Variants in KIFC1 observed in about 807,000 individuals in gnomAD.
The protein encoded by KIFC1 is kinesin family member C1, also known as kinesin-like protein KIFC1.
A neutral mutation model predicts 66.6 loss-of-function variants in KIFC1; 37 were observed. The ratio of observed to expected loss-of-function variants is 0.56; its 90% confidence interval spans 0.43 to 0.73. The LOEUF is 0.73. Ranked by LOEUF, KIFC1 falls within the 30% of genes least tolerant of loss-of-function variation. The pLI is 0.00. For missense variants in KIFC1, 721 were observed against 859.8 expected (o/e 0.84, Z 2.02); for synonymous variants, 325 against 343.5 (o/e 0.95, Z 0.60).
chr6:33,397,962 C>A, intron 1 of KIFC1, 67 bp from the exon 2 acceptor site: 1 of 1,572,236 alleles, frequency 6.4e-7, no homozygotes, highest in Non-Finnish European at 8.7e-7. Flanking sequence ...GGCTGGGGGC[C>A]AAGACAGGAA....
At chr6:33,394,463 G>C (rs1293920185) in intron 1 of KIFC1, among the ~76,000 whole-genome samples, 1 of 152,132 alleles carries the variant, frequency 6.6e-6, no homozygotes, top group African/African-American at 2.4e-5. Context: ...ACATCAAGAG[G>C]TCAGTTATTA....
rs771246472 is a variant in KIFC1, at chr6:33,398,138, A to C, written c.122A>C (p.Gln41Pro). Residue 41 changes from glutamine to proline, a missense_variant, in exon 2 of 11, where the codon CAG becomes CCG. Transcript: ENST00000428849. ...AGCAGACTCAAGAGGAGGCCTGACCAGATGGAAGATGGCCTGGAGCCTGAG... is the reference window on the plus strand; with the variant it reads ...AGCAGACTCAAGAGGAGGCCTGACCCGATGGAAGATGGCCTGGAGCCTGAG... Reference protein sequence around the residue: ...SGSRLKRRPDQMEDGLEPEKK... With the variant: ...SGSRLKRRPDPMEDGLEPEKK... 6.2e-7 allele frequency: 1 copy of C among 1,614,184 alleles called. No homozygotes were observed. The highest frequency in any genetic ancestry group is 2.2e-5 in the East Asian group (1 of 44,884).
Position 33,406,429 on chromosome 6 carries a change from G to C in KIFC1, c.1770G>C (p.Gln590His), listed in dbSNP as rs748747920. ...PGERERLRETQAINSSLSTLG... is the reference protein window; with the variant it reads ...PGERERLRETHAINSSLSTLG... ...AGCGGGAACGCCTTCGGGAAACACA[G>C]GCCATTAACAGCAGCCTGTCCACGC... is the stretch of plus-strand genomic sequence containing the variant. The change falls in exon 8 of 11, where the codon CAG (glutamine) becomes CAC (histidine). Residue 590 changes from glutamine to histidine, a missense_variant. Physicochemically the swap from Gln to His is conservative, Grantham distance 24. Transcript: ENST00000428849. The surrounding 1 kb of genome is among the most constrained non-coding windows in gnomAD (Gnocchi z 4.5). 1.2e-6 allele frequency: 2 copies of C among 1,604,794 alleles called. No homozygotes were observed. Among genetic ancestry groups the C allele is most frequent in the Non-Finnish European group, 8.5e-7 (1 of 1,173,578 alleles).
rs1218538810 is a variant in KIFC1, at chr6:33,403,416, A to T, written c.304+49A>T. 1.9e-6 allele frequency: 3 copies of T among 1,610,966 alleles called. No individual in the cohort carries two copies. The highest frequency in any genetic ancestry group is 2.5e-6 in the Non-Finnish European group (3 of 1,177,122). ...CTGAGAAGGGATTTGGGGTATGTGT[A>T]AAGGGAGAATGATGGAGGTGGAGGG... On this transcript the variant is annotated intron_variant, in intron 4 of 10. Transcript: ENST00000428849. The surrounding 1 kb of genome is among the most constrained non-coding windows in gnomAD (Gnocchi z 4.6).
intron 2 of KIFC1, 29 bp from the exon 3 acceptor site, chr6:33,398,259 C>A (rs1187566157): frequency 6.2e-7 from 1 of 1,613,398 alleles, no homozygotes; most frequent in East Asian, 2.2e-5. Flanking sequence ...GGGAGGGTGA[C>A]TATGGACCTT....
At position 33,409,752 on chromosome 6, in the gene KIFC1, T is replaced by TGTGTGTCC; in HGVS notation, c.*64_*65insGTGTCCGT. The TGTGTGTCC allele has an allele frequency of 7.0e-7, 1 of 1,422,040 alleles. No homozygotes were observed. The highest frequency in any genetic ancestry group is 9.7e-7 in the Non-Finnish European group (1 of 1,026,894). 88.1% of individuals were successfully genotyped at this position (1,422,040 alleles called of 1,614,324 possible). A position where few individuals can be genotyped will look rare whatever the true frequency, so the allele number is the denominator to read the frequency against. Reference sequence around the variant, plus strand: ...GTGTGTGTGTGTGTGTGTGTGTGTGTGTCCCTATGTCTATGTATCGGGTGA... The same window carrying TGTGTGTCC: ...GTGTGTGTGTGTGTGTGTGTGTGTGTGTGTGTCCGTCCCTATGTCTATGTATCGGGTGA... On this transcript the variant is annotated 3_prime_UTR_variant, in exon 11 of 11. Coordinates refer to ENST00000428849, the MANE Select transcript of KIFC1 (RefSeq NM_002263.4).
Position 33,405,126 on chromosome 6 carries a change from CT to C in KIFC1, c.1032del (p.Pro345GlnfsTer16). Reference protein sequence around the residue: ...FPSGPGGPSDPPTRLSLSRSD... With the variant: ...FPSGPGGPSDXPTRLSLSRSD... ...TCTGGCCCTGGTGGGCCCTCTGATC[CT>C]CCAACCCGCCTTAGCCTCTCCCGGT... On this transcript the variant is annotated frameshift_variant, in exon 7 of 11. Transcript: ENST00000428849. LOFTEE classifies it high-confidence loss of function. This position sits in a 1 kb window ranked among gnomAD's most constrained non-coding sequence, Gnocchi z 5.4. 1 of 1,614,176 alleles carries C rather than the reference CT, an allele frequency of 6.2e-7. No homozygotes were observed. The highest frequency in any genetic ancestry group is 8.5e-7 in the Non-Finnish European group (1 of 1,180,042).
intron 3 of KIFC1, among the ~76,000 whole-genome samples, chr6:33,399,034 C>A (rs779390623): frequency 4.6e-5 from 7 of 152,180 alleles, no homozygotes; most frequent in Admixed American, 1.3e-4. Flanking sequence ...ATATGGAGTA[C>A]AGTTGGCCCT....
intron 1 of KIFC1, among the ~76,000 whole-genome samples, chr6:33,397,261 G>A (rs1379674979): frequency 6.7e-6 from 1 of 148,636 alleles, no homozygotes; most frequent in Non-Finnish European, 1.5e-5. Context: ...ACAGGCATAA[G>A]CCACCGTGCT....
At chr6:33,409,145 G>A (rs1056473190) in intron 10 of KIFC1, among the ~76,000 whole-genome samples, 2 of 152,020 alleles carry the variant, frequency 1.3e-5, no homozygotes, top group South Asian at 4.1e-4. Context: ...CAGCCTGGGC[G>A]ACAGAGCAAG....
intron 10 of KIFC1, 101 bp from the exon 11 acceptor site, chr6:33,409,544 AT>A (rs1389950567): frequency 1.7e-6 from 2 of 1,186,498 alleles, no homozygotes; most frequent in Non-Finnish European, 2.5e-6. Flanking sequence ...TTATTTCGGT[AT>A]TTCTGAGGGC....
Position 33,409,752 on chromosome 6 carries a change from T to TGTGTGTGTGTGTGTCC in KIFC1, c.*64_*65insGTGTGTGTGTGTCCGT. 7.0e-7 allele frequency: 1 copy of TGTGTGTGTGTGTGTCC among 1,422,040 alleles called. No homozygotes were observed. The highest frequency in any genetic ancestry group is 1.2e-5 in the South Asian group (1 of 84,856). The allele number at this position is 1,422,040 out of a possible 1,614,324, so 88.1% of individuals were successfully genotyped here. A position where few individuals can be genotyped will look rare whatever the true frequency, so the allele number is the denominator to read the frequency against. ...GTGTGTGTGTGTGTGTGTGTGTGTG[T>TGTGTGTGTGTGTGTCC]GTCCCTATGTCTATGTATCGGGTGA... On this transcript the variant is annotated 3_prime_UTR_variant, in exon 11 of 11. Transcript: ENST00000428849.
At position 33,405,386 on chromosome 6, in the gene KIFC1, G is replaced by A. The variant is rs1775591684; in HGVS notation, c.1291G>A (p.Glu431Lys). Residue 431 changes from glutamate to lysine, a missense_variant, in exon 7 of 11, where the codon GAG (glutamate) becomes AAG (lysine). Physicochemically the swap from Glu to Lys is moderately conservative, Grantham distance 56. Coordinates refer to ENST00000428849, the MANE Select transcript of KIFC1 (RefSeq NM_002263.4). This position sits in a 1 kb window ranked among gnomAD's most constrained non-coding sequence, Gnocchi z 5.4. ...EGGPGGDPQL[E>K]GLIPRALRHL... ...TGGGCCTGGGGGAGACCCCCAGTTG[G>A]AGGGGCTGATCCCTCGGGCCCTGCG... 7 of 1,609,094 alleles carry A rather than the reference G, an allele frequency of 4.4e-6. No homozygotes were observed. Among genetic ancestry groups the A allele is most frequent in the Non-Finnish European group, 6.0e-6 (7 of 1,176,440 alleles).
chr6:33,394,534 T>C (rs1413881449), intron 1 of KIFC1, among the ~76,000 whole-genome samples: 1 of 152,084 alleles, frequency 6.6e-6, no homozygotes, highest in African/African-American at 2.4e-5. Context: ...CAGGCTGGAG[T>C]GCAGTGGTGT....
At chr6:33,408,687 G>GT (rs1390790605) in intron 10 of KIFC1, among the ~76,000 whole-genome samples, 1 of 152,168 alleles carries the variant, frequency 6.6e-6, no homozygotes, top group Non-Finnish European at 1.5e-5. Flanking sequence ...ACCAATGAAT[G>GT]TTTATCTGAG....
intron 1 of KIFC1, 59 bp from the exon 2 acceptor site, chr6:33,397,970 G>A: frequency 6.3e-7 from 1 of 1,582,750 alleles, no homozygotes; most frequent in Non-Finnish European, 8.7e-7. Context: ...GCCAAGACAG[G>A]AAGTTCTTGG....
Position 33,409,869 on chromosome 6 carries a change from A to G in KIFC1, c.*179A>G, listed in dbSNP as rs1775865390. 1 of 631,990 alleles carries G rather than the reference A, an allele frequency of 1.6e-6. No homozygotes were observed. Among genetic ancestry groups the G allele is most frequent in the Non-Finnish European group, 2.7e-6 (1 of 371,180 alleles). The allele number at this position is 631,990 out of a possible 1,614,324, so 39.1% of individuals were successfully genotyped here. Reference sequence around the variant, plus strand: ...AAAGAATAGTTTGGTTTTTTTTTTAAATAAAGGTTTTATTAGCATTTGCCC... The same window carrying G: ...AAAGAATAGTTTGGTTTTTTTTTTAGATAAAGGTTTTATTAGCATTTGCCC... On this transcript the variant is annotated 3_prime_UTR_variant, in exon 11 of 11. Transcript: ENST00000428849.
intron 10 of KIFC1, chr6:33,407,222 A>C (rs1324002661): frequency 2.9e-5 from 12 of 417,942 alleles, no homozygotes. Flanking sequence ...CAGTCTGGGC[A>C]ACATAGTGAG....
intron 1 of KIFC1, among the ~76,000 whole-genome samples, chr6:33,395,071 T>C (rs1176554607): frequency 6.6e-6 from 1 of 152,124 alleles, no homozygotes; most frequent in Non-Finnish European, 1.5e-5. Flanking sequence ...AGATAAAGAA[T>C]TGACTTAGCA....
Sources: gnomAD v4.1 joint callset for allele counts (sites outside exome capture counted in the v4.1 genomes callset) on GRCh38, gnomAD v4.1.1 for gene constraint, Gnocchi (gnomAD v3.1) non-coding constraint, MANE v1.5 for transcripts, NCBI Gene and HGNC (gene_info 2026-07-23, HGNC 2026-07-21) for gene names.